The following PITPNM3 variants were observed in gnomAD, a reference collection of about 807,000 sequenced individuals.
The protein encoded by PITPNM3 is PITPNM family member 3.
PITPNM3 carries 26 observed loss-of-function variants against 102.0 expected under a neutral mutation model. That is an observed-to-expected ratio of 0.25 (90% CI 0.19 to 0.35). The LOEUF (loss-of-function observed/expected upper bound fraction) is 0.35. Among genes scored for constraint, PITPNM3 ranks in the 10% least tolerant of loss-of-function variants. The pLI is 1.00. For synonymous variants in PITPNM3, 578 were observed against 558.6 expected (o/e 1.03, Z -0.49); for missense variants, 1,083 against 1,346.1 (o/e 0.80, Z 3.06).
Position 6,470,197 on chromosome 17 carries a change from T to A in PITPNM3, c.1773+63A>T. ...CTGCAAGAATAGCCTCCTCTCCAGC[T>A]GGAGAAGGGGCGGTACCCCCTTGGG... On this transcript the variant is annotated intron_variant, in intron 13 of 19. Coordinates refer to ENST00000262483, the MANE Select transcript of PITPNM3 (RefSeq NM_031220.4). The surrounding 1 kb of genome is among the most constrained non-coding windows in gnomAD (Gnocchi z 4.8). 2 of 1,509,426 alleles carry A rather than the reference T, an allele frequency of 1.3e-6. No homozygotes were observed. The highest frequency in any genetic ancestry group is 1.8e-6 in the Non-Finnish European group (2 of 1,111,366). 93.5% of individuals were successfully genotyped at this position (1,509,426 alleles called of 1,614,324 possible).
chr17:6,471,645 G>A (rs928527692), intron 11 of PITPNM3, among the ~76,000 whole-genome samples: 4 of 152,194 alleles, frequency 2.6e-5, no homozygotes, highest in Admixed American at 1.3e-4. Flanking sequence ...CTCCAATAAA[G>A]CTGCAGAGGG....
In PITPNM3 at chr17:6,452,465, TAGA is replaced by T. The variant is rs1290103385; in HGVS notation, c.*2870_*2872del. 2.6e-5 allele frequency: 4 copies of T among 152,308 alleles called. No individual in the cohort carries two copies. In the East Asian group the frequency reaches 7.7e-4, roughly 29 times the overall value. The allele number at this position is 152,308 out of a possible 1,614,324, so 9.4% of individuals were successfully genotyped here. Reference sequence around the variant, plus strand: ...GCTGGAGAGCAGGCATACCAGAAGCTAGAAGGATTCTCTACAAAACAGCTGGAT... The same window carrying T: ...GCTGGAGAGCAGGCATACCAGAAGCTAGGATTCTCTACAAAACAGCTGGAT... On this transcript the variant is annotated 3_prime_UTR_variant, in exon 20 of 20. Transcript: ENST00000262483.
chr17:6,527,282 A>AT (rs1352205265), intron 2 of PITPNM3, among the ~76,000 whole-genome samples: 2 of 152,198 alleles, frequency 1.3e-5, no homozygotes, highest in Non-Finnish European at 2.9e-5. Context: ...TGTTAGATTG[A>AT]TTTTTTTCAA....
At chr17:6,479,124 G>T (rs1257123925) in intron 6 of PITPNM3, 1 of 204,698 alleles carries the variant, frequency 4.9e-6, no homozygotes, top group Admixed American at 5.2e-5. Context: ...TCCTGGAGGA[G>T]GTGGGGCTTG....
At position 6,502,447 on chromosome 17, in the gene PITPNM3, C is replaced by T. The variant is rs145405420; in HGVS notation, c.274+1080G>A. The stretch of plus-strand genomic sequence containing the variant: ...CTCCAGCCTGGGTGACAGAGCAAGA[C>T]TCTGTCTCAAGAAAAAAAAAAGAGA... On this transcript the variant is annotated intron_variant, in intron 4 of 19. Coordinates refer to ENST00000262483, the MANE Select transcript of PITPNM3 (RefSeq NM_031220.4). Among the ~76,000 whole-genome samples the T allele has an allele frequency of 7.0e-3, 1,065 of 152,158 alleles. 5 individuals carry two copies. The highest frequency in any genetic ancestry group is 0.01 in the Non-Finnish European group (694 of 67,980).
intron 4 of PITPNM3, among the ~76,000 whole-genome samples, chr17:6,498,233 T>C (rs1218351362): frequency 6.6e-6 from 1 of 152,212 alleles, no homozygotes; most frequent in Non-Finnish European, 1.5e-5. Flanking sequence ...TCCCACCATT[T>C]GCTGCAGAGG....
chr17:6,514,252 A>C (rs1374834835), intron 3 of PITPNM3, among the ~76,000 whole-genome samples: 1 of 152,180 alleles, frequency 6.6e-6, no homozygotes, highest in Non-Finnish European at 1.5e-5. Flanking sequence ...TAAAAGAAAA[A>C]ATAGATAAAC....
At position 6,537,877 on chromosome 17, in the gene PITPNM3, G is replaced by A. The variant is rs1909525892; in HGVS notation, c.118+110C>T. 3 of 888,932 alleles carry A rather than the reference G, an allele frequency of 3.4e-6. No individual in the cohort carries two copies. Among genetic ancestry groups the A allele is most frequent in the Admixed American group, 2.0e-5 (1 of 50,224 alleles). 55.1% of individuals were successfully genotyped at this position (888,932 alleles called of 1,614,324 possible). ...ATGGGTAAGTATGGAGTGTGGAGCT[G>A]CAGATACCACGTCTGAGTGGGGAGG... On this transcript the variant is annotated intron_variant, in intron 2 of 19. Coordinates refer to ENST00000262483, the MANE Select transcript of PITPNM3 (RefSeq NM_031220.4). This position sits in a 1 kb window ranked among gnomAD's most constrained non-coding sequence, Gnocchi z 4.4.
intron 3 of PITPNM3, among the ~76,000 whole-genome samples, chr17:6,516,699 G>A (rs374668138): frequency 3.2e-4 from 48 of 151,930 alleles, no homozygotes; most frequent in Non-Finnish European, 3.7e-4. Context: ...ACTCAGAAAC[G>A]TCGCTTGAAA....
At chr17:6,552,762 CTTTTTTTTTTT>C (rs34225911) in intron 1 of PITPNM3, among the ~76,000 whole-genome samples, 3 of 89,012 alleles carry the variant, frequency 3.4e-5, no homozygotes, top group East Asian at 3.2e-4. Flanking sequence ...CTTTCTTTTT[CTTTTTTTTTTT>C]TTTTTTTTTT....
chr17:6,493,873 G>C (rs1468930200), intron 4 of PITPNM3, among the ~76,000 whole-genome samples: 1 of 152,244 alleles, frequency 6.6e-6, no homozygotes, highest in East Asian at 1.9e-4. Flanking sequence ...CGGAGGAACA[G>C]TTCTCATGGG....
intron 3 of PITPNM3, among the ~76,000 whole-genome samples, chr17:6,519,851 A>C (rs1908412196): frequency 6.6e-6 from 1 of 152,138 alleles, no homozygotes; most frequent in African/African-American, 2.4e-5. Flanking sequence ...GAAAGAAAGA[A>C]AAGATTTGTA....
chr17:6,477,295 C>G, intron 8 of PITPNM3, 82 bp from the exon 9 acceptor site: 1 of 1,406,286 alleles, frequency 7.1e-7, no homozygotes, highest in Non-Finnish European at 9.9e-7. Flanking sequence ...CCCCCAAGCA[C>G]AAACCAACCC....
chr17:6,461,539 C>T lies in PITPNM3; in HGVS notation c.2324G>A (p.Gly775Asp). 1.9e-6 allele frequency: 3 copies of T among 1,614,224 alleles called. No individual in the cohort carries two copies. Among genetic ancestry groups the T allele is most frequent in the Non-Finnish European group, 2.5e-6 (3 of 1,180,024 alleles). Residue 775 changes from glycine to aspartate, a missense_variant, in exon 18 of 20, where the codon GGC (glycine) becomes GAC (aspartate). This residue lies in a region of PITPNM3 where 410 missense variants were observed against 638.4 expected (regional missense o/e 0.64). Transcript: ENST00000262483. ...VDVVRHWQDL[G>D]YMILYITGRP... ...TCCCGTGATGTAAAGGATCATGTAGCCCAAGTCCTGCCAGTGCCTGGTGAG... is the reference window on the plus strand; with the variant it reads ...TCCCGTGATGTAAAGGATCATGTAGTCCAAGTCCTGCCAGTGCCTGGTGAG...
At chr17:6,518,921 A>G (rs894526786) in intron 3 of PITPNM3, among the ~76,000 whole-genome samples, 32 of 152,350 alleles carry the variant, frequency 2.1e-4, no homozygotes, top group African/African-American at 7.0e-4. Context: ...ACAGCACTAC[A>G]GTCAGGATCC....
rs958387148 is a variant in PITPNM3, at chr17:6,470,139, CTCTTAGG to C, written c.1773+114_1773+120del. ...TAGGTGCTCCAATGCCTTCCTCATG[CTCTTAGG>C]ATCAAGGCCAAAAGCTGAACAGTGT... On this transcript the variant is annotated intron_variant, in intron 13 of 19. Coordinates refer to ENST00000262483, the MANE Select transcript of PITPNM3 (RefSeq NM_031220.4). The surrounding 1 kb of genome is among the most constrained non-coding windows in gnomAD (Gnocchi z 4.8). The C allele has an allele frequency of 2.5e-6, 3 of 1,180,456 alleles. No individual in the cohort carries two copies. In the African/African-American group the frequency reaches 4.5e-5, roughly 18 times the overall value. 73.1% of individuals were successfully genotyped at this position (1,180,456 alleles called of 1,614,324 possible). A position where few individuals can be genotyped will look rare whatever the true frequency, so the allele number is the denominator to read the frequency against.
rs1343751482 is a variant in PITPNM3 at position 6,460,905 on chromosome 17, CCCGAGTTT to C, written c.2490+460_2490+467del. 11 of 262,076 alleles carry C rather than the reference CCCGAGTTT, an allele frequency of 4.2e-5. No individual in the cohort carries two copies. In the East Asian group the frequency reaches 9.3e-4, roughly 22 times the overall value. 16.2% of individuals were successfully genotyped at this position (262,076 alleles called of 1,614,324 possible). The stretch of plus-strand genomic sequence containing the variant: ...GGCAGGGCAGATAATTTGCACTTCT[CCCGAGTTT>C]CCGAGTTTCCTGGTGCTGCTAGTGG... On this transcript the variant is annotated intron_variant, in intron 18 of 19. Transcript: ENST00000262483.
Position 6,537,862 on chromosome 17 carries a change from A to G in PITPNM3, c.118+125T>C. 1 of 807,922 alleles carries G rather than the reference A, an allele frequency of 1.2e-6. No individual in the cohort carries two copies. The highest frequency in any genetic ancestry group is 2.1e-6 in the Non-Finnish European group (1 of 469,510). The allele number at this position is 807,922 out of a possible 1,614,324, so 50.0% of individuals were successfully genotyped here. A position where few individuals can be genotyped will look rare whatever the true frequency, so the allele number is the denominator to read the frequency against. On this transcript the variant is annotated intron_variant, in intron 2 of 19. Coordinates refer to ENST00000262483, the MANE Select transcript of PITPNM3 (RefSeq NM_031220.4). The surrounding 1 kb of genome is among the most constrained non-coding windows in gnomAD (Gnocchi z 4.4). ...TGGCACATCCACAGGATGGGTAAGT[A>G]TGGAGTGTGGAGCTGCAGATACCAC... is the stretch of plus-strand genomic sequence containing the variant.
At chr17:6,555,788 A>C (rs990231723) in intron 1 of PITPNM3, among the ~76,000 whole-genome samples, 1 of 152,194 alleles carries the variant, frequency 6.6e-6, no homozygotes, top group African/African-American at 2.4e-5. Context: ...GGCAGAGCCC[A>C]CGGGACCCCA....
Sources: allele counts gnomAD v4.1 joint callset (sites outside exome capture counted in the v4.1 genomes callset), GRCh38; gene constraint gnomAD v4.1.1; regional missense constraint gnomAD v4.1.1; non-coding constraint Gnocchi (gnomAD v3.1); transcripts MANE v1.5; gene names NCBI Gene and HGNC (gene_info 2026-07-23, HGNC 2026-07-21).